The following CCDC171 variants were observed in gnomAD, a reference collection of about 807,000 sequenced individuals.
CCDC171 encodes the protein coiled-coil domain containing 171.
CCDC171 carries 177 observed loss-of-function variants against 168.2 expected under a neutral mutation model. That is an observed-to-expected ratio of 1.05 (90% CI 0.93 to 1.19). CCDC171 has a LOEUF of 1.19. CCDC171 is among the 50% of genes most tolerant of loss of function. The pLI, the probability that CCDC171 is intolerant of heterozygous loss-of-function variation, is 0.00. For synonymous variants in CCDC171, 687 were observed against 540.8 expected (o/e 1.27, Z -3.75); for missense variants, 1,991 against 1,539.0 (o/e 1.29, Z -4.91).
chr9:15,571,708 C>G lies in CCDC171; in HGVS notation c.126C>G (p.Leu42=). Residue 42 remains leucine (L), a synonymous_variant, in exon 3 of 26, where the codon CTC becomes CTG. Coordinates refer to ENST00000380701, the MANE Select transcript of CCDC171 (RefSeq NM_173550.4). ...LDITDNLRKK[L]HWAKKEKLEI... ...TTACTGATAATCTCAGGAAGAAACT[C>G]CATTGGGCTAAAAAAGAAAAGTTAG... 3.8e-6 allele frequency: 6 copies of G among 1,588,508 alleles called. No homozygotes were observed. Among genetic ancestry groups the G allele is most frequent in the Non-Finnish European group, 5.1e-6 (6 of 1,172,816 alleles).
chr9:15,914,955 C>T (rs1184778107), intron 24 of CCDC171, among the ~76,000 whole-genome samples: 3 of 152,122 alleles, frequency 2.0e-5, no homozygotes, highest in Non-Finnish European at 4.4e-5. Flanking sequence ...TCTGCTTCTG[C>T]TCACCCTCTG....
At chr9:15,750,022 C>T (rs552024955) in intron 18 of CCDC171, among the ~76,000 whole-genome samples, 1 of 143,018 alleles carries the variant, frequency 7.0e-6, no homozygotes, top group African/African-American at 2.7e-5. Context: ...TAAAAAAAAT[C>T]AGTGAATCCA....
intron 11 of CCDC171, among the ~76,000 whole-genome samples, chr9:15,710,238 A>T (rs1026021785): frequency 6.6e-6 from 1 of 152,118 alleles, no homozygotes; most frequent in Non-Finnish European, 1.5e-5. Context: ...GTATGCAGAG[A>T]AGGTCTAGAT....
chr9:15,666,116 G>C (rs914338347), intron 8 of CCDC171, 47 bp from the exon 9 acceptor site: 1 of 1,545,016 alleles, frequency 6.5e-7, no homozygotes, highest in South Asian at 1.1e-5. Flanking sequence ...TAAGATTGAT[G>C]CTAGCATTTC....
Position 15,971,859 on chromosome 9 carries a change from G to A in CCDC171, c.*23G>A. ...TGACTTCATGAAATTAAAAAATGGA[G>A]GAAGAGTTAACAGTACAATTAAAAT... On this transcript the variant is annotated 3_prime_UTR_variant, in exon 26 of 26. Transcript: ENST00000380701. 6.4e-7 allele frequency: 1 copy of A among 1,566,718 alleles called. No individual in the cohort carries two copies. Among genetic ancestry groups the A allele is most frequent in the Non-Finnish European group, 8.8e-7 (1 of 1,137,740 alleles).
At position 15,751,596 on chromosome 9, in the gene CCDC171, A is replaced by G. The variant is rs1483727379; in HGVS notation, c.2671+5965A>G. 2.0e-5 allele frequency among the ~76,000 whole-genome samples: 3 copies of G among 152,172 alleles called. No homozygotes were observed. The East Asian group carries it at 5.8e-4, about 29-fold the overall frequency. ...AATGCAACAGAACAGAGGCCTCAGAAATAACACCACACATCTACAACCATC... is the reference window on the plus strand; with the variant it reads ...AATGCAACAGAACAGAGGCCTCAGAGATAACACCACACATCTACAACCATC... On this transcript the variant is annotated intron_variant, in intron 18 of 25. Coordinates refer to ENST00000380701, the MANE Select transcript of CCDC171 (RefSeq NM_173550.4).
chr9:15,700,852 C>G (rs1032047565), intron 11 of CCDC171, among the ~76,000 whole-genome samples: 1 of 151,974 alleles, frequency 6.6e-6, no homozygotes, highest in Non-Finnish European at 1.5e-5. Flanking sequence ...TACATTCCCA[C>G]CAACAATGTA....
intron 3 of CCDC171, among the ~76,000 whole-genome samples, chr9:16,014,980 C>T (rs1348540650): frequency 6.6e-6 from 1 of 152,074 alleles, no homozygotes; most frequent in Non-Finnish European, 1.5e-5. Context: ...CCCTTTGAAG[C>T]CTTGAACTCT....
chr9:15,716,725 T>G (rs2053115070), intron 11 of CCDC171, among the ~76,000 whole-genome samples: 1 of 152,148 alleles, frequency 6.6e-6, no homozygotes. Context: ...GAGCAAGAGT[T>G]GGGGAGAACT....
At chr9:15,953,941 G>A (rs956429823) in intron 25 of CCDC171, among the ~76,000 whole-genome samples, 2 of 151,834 alleles carry the variant, frequency 1.3e-5, no homozygotes, top group Non-Finnish European at 2.9e-5. Context: ...GTTTCATCGA[G>A]GGCATTCAAT....
At chr9:15,802,098 G>C (rs2135798928) in intron 21 of CCDC171, among the ~76,000 whole-genome samples, 1 of 151,710 alleles carries the variant, frequency 6.6e-6, no homozygotes, top group African/African-American at 2.4e-5. Context: ...ATTTGTCTTT[G>C]TCTGATTTTG....
chr9:15,784,529 G>A lies in CCDC171; in HGVS notation c.3102G>A (p.Lys1034=), dbSNP rs1372278442. ...TACAGAAATTGATCACCCATGAGAA[G>A]TTTGAAAGTGCATGTGAAGAACTAA... ...FKQSKLITHE[K]FESACEELNN... is the part of the protein sequence containing the mutation. Residue 1034 remains lysine, a synonymous_variant, in exon 21 of 26, where the codon AAG becomes AAA. Coordinates refer to ENST00000380701, the MANE Select transcript of CCDC171 (RefSeq NM_173550.4). 3.1e-6 allele frequency: 5 copies of A among 1,612,770 alleles called. No individual in the cohort carries two copies. Among genetic ancestry groups the A allele is most frequent in the Non-Finnish European group, 4.2e-6 (5 of 1,179,210 alleles).
chr9:15,989,539 C>T lies in CCDC171; in HGVS notation n.369-31050C>T, dbSNP rs557928963. 7.9e-4 allele frequency among the ~76,000 whole-genome samples: 120 copies of T among 152,274 alleles called. 1 individual carries two copies. Among genetic ancestry groups the T allele is most frequent in the African/African-American group, 2.5e-3 (103 of 41,540 alleles). ...GAGGGCCTCTCCCCCTCCAAAGGAA[C>T]GCAGCTCCTTGCCAGCAACAGAACA... On this transcript the variant is annotated intron_variant and non_coding_transcript_variant, in intron 3 of 9. Coordinates refer to the CCDC171 transcript ENST00000486641.
chr9:15,560,124 T>C (rs2039158780), intron 1 of CCDC171, among the ~76,000 whole-genome samples: 1 of 152,168 alleles, frequency 6.6e-6, no homozygotes, highest in African/African-American at 2.4e-5. Flanking sequence ...TGGGCTTCCC[T>C]TTGTGGGTAA....
intron 7 of CCDC171, among the ~76,000 whole-genome samples, chr9:15,630,006 C>T (rs1272243273): frequency 1.3e-5 from 2 of 152,282 alleles, no homozygotes; most frequent in East Asian, 1.9e-4. Flanking sequence ...CAGGCCTGCC[C>T]TGCAAGAGCT....
At chr9:15,736,240 T>C (rs1420094820) in intron 16 of CCDC171, among the ~76,000 whole-genome samples, 1 of 152,234 alleles carries the variant, frequency 6.6e-6, no homozygotes, top group Non-Finnish European at 1.5e-5. Flanking sequence ...TCCAGTCCCT[T>C]TTGCATTATA....
chr9:16,035,877 G>A (rs1417277253), intron 7 of CCDC171, among the ~76,000 whole-genome samples: 1 of 152,220 alleles, frequency 6.6e-6, no homozygotes, highest in Admixed American at 6.5e-5. Context: ...CTACCGCTAT[G>A]CAGAAACAGG....
At chr9:15,794,028 G>T (rs2058421916) in intron 21 of CCDC171, among the ~76,000 whole-genome samples, 1 of 16,364 alleles carries the variant, frequency 6.1e-5, no homozygotes, top group African/African-American at 1.4e-4. Flanking sequence ...TTGGGTGGAG[G>T]TGGAGGTGTG....
chr9:15,677,830 C>G (rs2049705290), intron 9 of CCDC171, among the ~76,000 whole-genome samples: 2 of 125,366 alleles, frequency 1.6e-5, no homozygotes, highest in Non-Finnish European at 3.3e-5. Context: ...CGCACACACA[C>G]AAATGGCTGT....
Sources: allele counts gnomAD v4.1 joint callset (sites outside exome capture counted in the v4.1 genomes callset), GRCh38; gene constraint gnomAD v4.1.1; transcripts MANE v1.5; gene names NCBI Gene and HGNC (gene_info 2026-07-23, HGNC 2026-07-21).